TDRD5: variants seen among roughly 807,000 people sequenced by gnomAD.
TDRD5 encodes the protein tudor domain containing 5.
Under a neutral mutation model 120.6 loss-of-function variants are expected in TDRD5, and 41 were observed. That is an observed-to-expected ratio of 0.34 (90% CI 0.26 to 0.44). The LOEUF (loss-of-function observed/expected upper bound fraction) is 0.44. Among genes scored for constraint, TDRD5 ranks in the 20% least tolerant of loss-of-function variants. The pLI is 1.00. For missense variants in TDRD5, 1,006 were observed against 1,221.2 expected (o/e 0.82, Z 2.63); for synonymous variants, 430 against 433.7 (o/e 0.99, Z 0.11).
At chr1:179,606,140 A>AG (rs80110193) in intron 4 of TDRD5, among the ~76,000 whole-genome samples, 14,551 of 151,490 alleles carry the variant, frequency 0.096, 803 homozygotes, top group African/African-American at 0.13. Context: ...CCATTCTAAT[A>AG]CTGTATAGTG....
chr1:179,679,079 T>C (rs1680294937), intron 17 of TDRD5, among the ~76,000 whole-genome samples: 2 of 152,238 alleles, frequency 1.3e-5, no homozygotes, highest in Non-Finnish European at 2.9e-5. Context: ...TGAATCGGTG[T>C]TGAATCTTAT....
intron 17 of TDRD5, among the ~76,000 whole-genome samples, chr1:179,683,269 T>C (rs1680526979): frequency 6.6e-6 from 1 of 152,220 alleles, no homozygotes. Context: ...TGTTGTTTCA[T>C]ACATTTTGTC....
chr1:179,651,974 G>A (rs1009341665), intron 12 of TDRD5, 65 bp from the exon 13 acceptor site: 25 of 1,527,280 alleles, frequency 1.6e-5, no homozygotes, highest in Non-Finnish European at 2.2e-5. Flanking sequence ...GTTATTAAGT[G>A]CTTTCTCGCC....
At chr1:179,603,107 A>G (rs11484673) in intron 4 of TDRD5, among the ~76,000 whole-genome samples, 2,861 of 152,060 alleles carry the variant, frequency 0.019, 101 homozygotes, top group African/African-American at 0.065. Context: ...TCGGTTAGGT[A>G]TATTCCTAAG....
At chr1:179,663,519 C>G (rs1322268344) in intron 16 of TDRD5, 28 bp downstream of exon 16, 1 of 1,587,998 alleles carries the variant, frequency 6.3e-7, no homozygotes. Flanking sequence ...GTTATTGGGA[C>G]AGGTTTGCAT....
intron 14 of TDRD5, among the ~76,000 whole-genome samples, chr1:179,658,799 T>A (rs1679136397): frequency 6.6e-6 from 1 of 152,180 alleles, no homozygotes; most frequent in African/African-American, 2.4e-5. Flanking sequence ...TTTCTTTTAT[T>A]TTCTTTGGGT....
intron 11 of TDRD5, among the ~76,000 whole-genome samples, chr1:179,647,685 G>A (rs1342780681): frequency 1.3e-4 from 20 of 151,898 alleles, no homozygotes; most frequent in Admixed American, 3.3e-4. Context: ...GAAAATTTTC[G>A]CCACCTACTC....
chr1:179,623,911 T>C (rs1451909352), intron 6 of TDRD5, among the ~76,000 whole-genome samples: 1 of 152,094 alleles, frequency 6.6e-6, no homozygotes. Context: ...AGTGCTGAGA[T>C]TACAGGCATG....
chr1:179,656,665 ACT>A (rs1249297786), intron 14 of TDRD5, among the ~76,000 whole-genome samples: 1 of 152,006 alleles, frequency 6.6e-6, no homozygotes, highest in African/African-American at 2.4e-5. Context: ...CTATTTCTAG[ACT>A]CTATATTCTT....
intron 5 of TDRD5, 139 bp downstream of exon 5, chr1:179,618,821 T>A: frequency 1.7e-6 from 1 of 582,602 alleles, no homozygotes; most frequent in Non-Finnish European, 2.7e-6. Context: ...TCTTTTAGAC[T>A]AAGAAAAAGA....
chr1:179,637,085 T>C (rs1677802217), intron 9 of TDRD5, among the ~76,000 whole-genome samples: 1 of 152,246 alleles, frequency 6.6e-6, no homozygotes, highest in South Asian at 2.1e-4. Context: ...GATTTATTCA[T>C]GAACAACAAT....
intron 17 of TDRD5, among the ~76,000 whole-genome samples, chr1:179,674,422 A>G (rs1680012733): frequency 6.6e-6 from 1 of 152,072 alleles, no homozygotes; most frequent in Non-Finnish European, 1.5e-5. Flanking sequence ...TCTTTTCAGT[A>G]TGTTACTGGA....
intron 14 of TDRD5, among the ~76,000 whole-genome samples, chr1:179,654,566 A>C (rs1678887614): frequency 6.6e-6 from 1 of 152,120 alleles, no homozygotes; most frequent in Admixed American, 6.6e-5. Flanking sequence ...GGAGTTCAAG[A>C]CCAGCGTGGT....
intron 4 of TDRD5, among the ~76,000 whole-genome samples, chr1:179,603,369 T>C (rs12128260): frequency 0.24 from 36,201 of 152,136 alleles, 4,824 homozygotes; most frequent in East Asian, 0.34. Context: ...GTCCTTTATT[T>C]ATTTTTCTTG....
chr1:179,634,977 C>G (rs1677685512), intron 8 of TDRD5, among the ~76,000 whole-genome samples: 1 of 152,224 alleles, frequency 6.6e-6, no homozygotes, highest in African/African-American at 2.4e-5. Flanking sequence ...TGCCTCTACA[C>G]TCATCCTCAA....
chr1:179,674,606 A>G (rs1680024285), intron 17 of TDRD5, among the ~76,000 whole-genome samples: 1 of 152,126 alleles, frequency 6.6e-6, no homozygotes. Context: ...AATACTGTCA[A>G]TAGGATTGGT....
intron 11 of TDRD5, among the ~76,000 whole-genome samples, chr1:179,640,825 A>G (rs1678003597): frequency 6.6e-6 from 1 of 152,206 alleles, no homozygotes; most frequent in Non-Finnish European, 1.5e-5. Flanking sequence ...CTGTTTGGCT[A>G]CAGAATATAG....
intron 10 of TDRD5, among the ~76,000 whole-genome samples, 159 bp from the exon 11 acceptor site, chr1:179,640,220 G>A (rs1677969721): frequency 6.6e-6 from 1 of 152,162 alleles, no homozygotes; most frequent in Non-Finnish European, 1.5e-5. Flanking sequence ...CAGATGGATT[G>A]TAACTCTTGT....
At chr1:179,648,457 G>GC (rs1678521839) in intron 11 of TDRD5, among the ~76,000 whole-genome samples, 1 of 54,110 alleles carries the variant, frequency 1.8e-5, no homozygotes, top group East Asian at 1.0e-3. Context: ...TGGGGTGGGG[G>GC]GGGGGAGGGA....
Sources: allele counts gnomAD v4.1 joint callset (sites outside exome capture counted in the v4.1 genomes callset), GRCh38; gene constraint gnomAD v4.1.1; transcripts MANE v1.5; gene names NCBI Gene and HGNC (gene_info 2026-07-23, HGNC 2026-07-21).